Variants in PHLPP2 observed in about 807,000 individuals in gnomAD.
PHLPP2 encodes PH domain leucine-rich repeat-containing protein phosphatase 2.
PHLPP2 carries 66 observed loss-of-function variants against 124.9 expected under a neutral mutation model. That is an observed-to-expected ratio of 0.53 (90% CI 0.43 to 0.65). The LOEUF is 0.65. Ranked by LOEUF, PHLPP2 falls within the 30% of genes least tolerant of loss-of-function variation. PHLPP2 has a pLI of 0.00. For missense variants in PHLPP2, 1,685 were observed against 1,600.4 expected (o/e 1.05, Z -0.90); for synonymous variants, 681 against 624.7 (o/e 1.09, Z -1.34).
chr16:71,688,730 T>C (rs2045078252), intron 4 of PHLPP2, among the ~76,000 whole-genome samples: 1 of 151,824 alleles, frequency 6.6e-6, no homozygotes, highest in Admixed American at 6.6e-5. Flanking sequence ...CCCAGCCTTG[T>C]CCTCATTCAC....
chr16:71,684,628 G>T, intron 4 of PHLPP2, 27 bp from the exon 5 acceptor site: 1 of 1,542,470 alleles, frequency 6.5e-7, no homozygotes. Flanking sequence ...GAGAAAACCA[G>T]AACCACTAAA....
chr16:71,682,512 T>G (rs2045011540), intron 5 of PHLPP2, among the ~76,000 whole-genome samples: 2 of 152,090 alleles, frequency 1.3e-5, no homozygotes, highest in African/African-American at 4.8e-5. Context: ...TGATTCGAAA[T>G]AAATGGAAAA....
chr16:71,709,049 C>T (rs374797184), intron 2 of PHLPP2, among the ~76,000 whole-genome samples: 17 of 152,092 alleles, frequency 1.1e-4, no homozygotes, highest in Admixed American at 9.2e-4. Flanking sequence ...AATATATATG[C>T]TGATTTCAGA....
intron 3 of PHLPP2, 113 bp downstream of exon 3, chr16:71,702,485 T>A: frequency 1.2e-6 from 1 of 837,318 alleles, no homozygotes; most frequent in Non-Finnish European, 1.8e-6. Flanking sequence ...CGTTAGTTAA[T>A]TGGCTTAAAA....
chr16:71,676,754 A>AC (rs2044949920), intron 8 of PHLPP2, 105 bp from the exon 9 acceptor site: 1 of 846,136 alleles, frequency 1.2e-6, no homozygotes, highest in Non-Finnish European at 1.8e-6. Flanking sequence ...TTCTCTGTTT[A>AC]CTTTTTTTTT....
At chr16:71,664,751 A>G (rs546025925) in intron 12 of PHLPP2, among the ~76,000 whole-genome samples, 173 of 152,238 alleles carry the variant, frequency 1.1e-3, no homozygotes, top group African/African-American at 3.9e-3. Context: ...ACTCCATCTC[A>G]AAGAAGAAAA....
At chr16:71,660,898 C>T (rs1014469549) in intron 13 of PHLPP2, among the ~76,000 whole-genome samples, 55 of 152,156 alleles carry the variant, frequency 3.6e-4, no homozygotes, top group African/African-American at 1.2e-3. Flanking sequence ...AACAAGATTT[C>T]TATTGTGCCT....
chr16:71,664,096 G>C lies in PHLPP2; in HGVS notation c.1788C>G (p.Leu596=), dbSNP rs1157491103. The stretch of plus-strand genomic sequence containing the variant: ...TATTTGCAGATGCATTCAAGTATCT[G>C]AGACTGACAGAACACACACAGATCA... ...PDTLFSKALN[L]RYLNASANSL... is the part of the protein sequence containing the mutation. Residue 596 remains leucine (L), a synonymous_variant, in exon 13 of 19, where the codon CTC becomes CTG. Transcript: ENST00000568954. 1 of 1,606,800 alleles carries C rather than the reference G, an allele frequency of 6.2e-7. No individual in the cohort carries two copies. Among genetic ancestry groups the C allele is most frequent in the Non-Finnish European group, 8.5e-7 (1 of 1,173,386 alleles).
intron 5 of PHLPP2, among the ~76,000 whole-genome samples, chr16:71,682,281 G>T (rs144313655): frequency 6.7e-6 from 1 of 148,484 alleles, no homozygotes; most frequent in East Asian, 2.0e-4. Flanking sequence ...GCAGTGGCAC[G>T]ATCTCAGCTT....
At chr16:71,714,096 T>C (rs776159195) in intron 2 of PHLPP2, among the ~76,000 whole-genome samples, 2 of 151,864 alleles carry the variant, frequency 1.3e-5, no homozygotes, top group Admixed American at 6.6e-5. Flanking sequence ...CGCACTACCA[T>C]GCCTGGCTAA....
At position 71,648,968 on chromosome 16, in the gene PHLPP2, G is replaced by T. The variant is rs771178310; in HGVS notation, c.3894C>A (p.His1298Gln). ...EEEVKEQMKQ[H>Q]QDSRLEPEPH... ...GCTCAGGCTCGAGCCGGCTGTCCTGGTGCTGTTTCATTTGTTCCTTCACTT... is the reference window on the plus strand; with the variant it reads ...GCTCAGGCTCGAGCCGGCTGTCCTGTTGCTGTTTCATTTGTTCCTTCACTT... Residue 1298 changes from histidine to glutamine, a missense_variant, in exon 19 of 19, where the codon CAC becomes CAA. Transcript: ENST00000568954. 6.2e-7 allele frequency: 1 copy of T among 1,614,010 alleles called. No homozygotes were observed. The highest frequency in any genetic ancestry group is 1.7e-5 in the Admixed American group (1 of 60,018).
In PHLPP2 at chr16:71,703,504, A is replaced by T. The variant is rs991419646; in HGVS notation, c.285-773T>A. On this transcript the variant is annotated intron_variant, in intron 2 of 18. Transcript: ENST00000568954. ...GACTTAAAATACTGAAAAATATTTA[A>T]AAAAAAAACAAAAGTGATGAATGTG... is the stretch of plus-strand genomic sequence containing the variant. 3.5e-4 allele frequency among the ~76,000 whole-genome samples: 14 copies of T among 39,464 alleles called. No homozygotes were observed. The South Asian group carries it at 0.014, about 40-fold the overall frequency. 25.9% of individuals were successfully genotyped at this position (39,464 alleles called of 152,430 possible). A position where few individuals can be genotyped will look rare whatever the true frequency, so the allele number is the denominator to read the frequency against.
intron 2 of PHLPP2, among the ~76,000 whole-genome samples, chr16:71,703,626 A>C (rs1409758386): frequency 4.6e-5 from 7 of 151,918 alleles, no homozygotes; most frequent in Non-Finnish European, 1.5e-5. Context: ...CAGTGGCTAA[A>C]CGTATAGGCT....
intron 15 of PHLPP2, 46 bp downstream of exon 15, chr16:71,658,187 G>A: frequency 6.4e-7 from 1 of 1,560,222 alleles, no homozygotes; most frequent in Non-Finnish European, 8.8e-7. Context: ...ACACATGGCT[G>A]GTGGGCTAAG....
Position 71,658,290 on chromosome 16 carries a change from A to T in PHLPP2, c.2222T>A (p.Leu741His). The change falls in exon 15 of 19, where the codon CTT (leucine) becomes CAT (histidine). Residue 741 changes from leucine (L) to histidine (H), a missense_variant. Transcript: ENST00000568954. ...CAGATTTGTATTTCCAGTCAGGTCA[A>T]GGTCTTGTAATGTAGCAGGCAAAGC... ...PEALPATLQD[L>H]DLTGNTNLVL... 6.2e-7 allele frequency: 1 copy of T among 1,613,930 alleles called. No homozygotes were observed.
At position 71,724,326 on chromosome 16, in the gene PHLPP2, C is replaced by A. The variant is rs528464073; in HGVS notation, c.-7+3G>T. The A allele has an allele frequency of 1.3e-5, 2 of 152,386 alleles. No individual in the cohort carries two copies. Among genetic ancestry groups the A allele is most frequent in the South Asian group, 4.1e-4 (2 of 4,832 alleles). The allele number at this position is 152,386 out of a possible 1,614,324, so 9.4% of individuals were successfully genotyped here. On this transcript the variant is annotated splice_donor_region_variant and intron_variant, in intron 1 of 18. Transcript: ENST00000568954. Reference sequence around the variant, plus strand: ...CGTTGAACGAACTGTTGAGAATACTCACCTTGGCAAGGCCTTTTCTCTTCC... The same window carrying A: ...CGTTGAACGAACTGTTGAGAATACTAACCTTGGCAAGGCCTTTTCTCTTCC...
intron 14 of PHLPP2, 103 bp from the exon 15 acceptor site, chr16:71,658,466 T>A: frequency 8.1e-7 from 1 of 1,237,724 alleles, no homozygotes. Context: ...GGAACTTAAT[T>A]TCTTCCCAGG....
At chr16:71,657,588 G>T (rs1205183828) in intron 15 of PHLPP2, among the ~76,000 whole-genome samples, 1 of 149,730 alleles carries the variant, frequency 6.7e-6, no homozygotes, top group Non-Finnish European at 1.5e-5. Flanking sequence ...TAGAGACGGG[G>T]TTTCACCATG....
intron 7 of PHLPP2, 77 bp downstream of exon 7, chr16:71,679,312 A>G: frequency 7.7e-7 from 1 of 1,300,604 alleles, no homozygotes. Context: ...AGAGTTCAAG[A>G]TACTACCTTC....
Sources: allele counts gnomAD v4.1 joint callset (sites outside exome capture counted in the v4.1 genomes callset), GRCh38; gene constraint gnomAD v4.1.1; transcripts MANE v1.5; gene names NCBI Gene and HGNC (gene_info 2026-07-23, HGNC 2026-07-21).